Variants in COL4A5 observed in about 807,000 individuals in gnomAD.
COL4A5 encodes collagen type IV alpha 5 chain.
A neutral mutation model predicts 130.2 loss-of-function variants in COL4A5; 26 were observed. The ratio of observed to expected loss-of-function variants is 0.20; its 90% CI spans 0.15 to 0.28. The LOEUF (loss-of-function observed/expected upper bound fraction) is 0.28. Among genes scored for constraint, COL4A5 ranks in the 10% least tolerant of loss-of-function variants. The pLI is 1.00. For synonymous variants in COL4A5, 496 were observed against 439.6 expected (o/e 1.13, Z -1.60); for missense variants, 1,131 against 1,344.3 (o/e 0.84, Z 2.48).
chrX:108,695,581 C>A, intron 52 of COL4A5, 142 bp downstream of exon 52: 2 of 656,206 alleles, frequency 3.0e-6, no homozygotes, highest in Non-Finnish European at 4.7e-6. Flanking sequence ...TTGTTCTTCT[C>A]ATATACATGA....
At chrX:108,682,980 C>T (rs182723502) in intron 47 of COL4A5, among the ~76,000 whole-genome samples, 196 of 111,706 alleles carry the variant, frequency 1.8e-3, no homozygotes, top group Non-Finnish European at 3.2e-3. Flanking sequence ...ATGCCTATGT[C>T]CTGAATGGTA....
intron 1 of COL4A5, among the ~76,000 whole-genome samples, chrX:108,483,203 A>G (rs2064908493): frequency 2.0e-5 from 2 of 99,297 alleles, no homozygotes; most frequent in African/African-American, 3.6e-5. Context: ...CTAATAGGAT[A>G]TGTGTGTGTG....
chrX:108,541,004 G>A (rs1307542260), intron 2 of COL4A5, among the ~76,000 whole-genome samples: 1 of 112,077 alleles, frequency 8.9e-6, no homozygotes, highest in Admixed American at 9.5e-5. Flanking sequence ...TATATATGAA[G>A]CAGTTTAGGA....
intron 8 of COL4A5, among the ~76,000 whole-genome samples, chrX:108,572,692 C>G (rs1486202376): frequency 9.0e-6 from 1 of 111,401 alleles, no homozygotes; most frequent in Non-Finnish European, 1.9e-5. Flanking sequence ...CTCTTTTTTT[C>G]ACCACTACTC....
chrX:108,452,837 C>A (rs969754646), intron 1 of COL4A5, among the ~76,000 whole-genome samples: 1 of 111,076 alleles, frequency 9.0e-6, no homozygotes, highest in African/African-American at 3.3e-5. Flanking sequence ...TGCCTAATTG[C>A]CCTGGCCAGA....
chrX:108,615,901 T>A (rs2066917600), intron 30 of COL4A5, among the ~76,000 whole-genome samples: 1 of 112,634 alleles, frequency 8.9e-6, no homozygotes, highest in South Asian at 3.6e-4. Context: ...AATGGCTATA[T>A]GTTTCCTGAC....
rs148286056 is a variant in COL4A5, at chrX:108,648,645, T to G, written c.3247-6686T>G. Among the ~76,000 whole-genome samples, 114 of 111,872 alleles carry G rather than the reference T, an allele frequency of 1.0e-3. 4 individuals are homozygous for G. In the East Asian group the frequency reaches 0.031, roughly 31 times the overall value. On this transcript the variant is annotated intron_variant, in intron 36 of 52. Coordinates refer to ENST00000328300, the MANE Select transcript of COL4A5 (RefSeq NM_033380.3). ...AGAATTAAAAACAAAAGTCACACGA[T>G]CATTTCTATAGATGCAGAAAAAAAA...
chrX:108,660,253 G>A (rs1359213902), intron 37 of COL4A5, among the ~76,000 whole-genome samples: 3 of 111,040 alleles, frequency 2.7e-5, no homozygotes, highest in African/African-American at 9.8e-5. Context: ...TATTACTATT[G>A]CTTTAAACAG....
chrX:108,495,276 T>A (rs1371678524), intron 1 of COL4A5, among the ~76,000 whole-genome samples: 1 of 110,657 alleles, frequency 9.0e-6, no homozygotes, highest in Admixed American at 9.6e-5. Flanking sequence ...TAGAAAAAAA[T>A]AAAATCATCA....
intron 1 of COL4A5, among the ~76,000 whole-genome samples, chrX:108,503,287 C>T (rs780001086): frequency 1.8e-5 from 2 of 111,718 alleles, no homozygotes; most frequent in South Asian, 7.6e-4. Flanking sequence ...TAGTGATATT[C>T]TTGGCCAATA....
intron 29 of COL4A5, among the ~76,000 whole-genome samples, chrX:108,607,364 AAAAC>A (rs1215700634): frequency 9.2e-6 from 1 of 108,717 alleles, no homozygotes; most frequent in Non-Finnish European, 1.9e-5. Context: ...AAAAAAAAAA[AAAAC>A]AATCATATAT....
At chrX:108,647,648 C>G (rs982185293) in intron 36 of COL4A5, among the ~76,000 whole-genome samples, 4 of 111,571 alleles carry the variant, frequency 3.6e-5, no homozygotes, top group African/African-American at 1.3e-4. Flanking sequence ...GAGGGCATCC[C>G]TGTCTTGTGC....
rs779755065 is a variant in COL4A5, at chrX:108,556,688, G to A, written c.142-2376G>A. Among the ~76,000 whole-genome samples, 6 of 111,196 alleles carry A rather than the reference G, an allele frequency of 5.4e-5. No individual in the cohort carries two copies. In the South Asian group the frequency reaches 1.9e-3, roughly 35 times the overall value. ...TTAAACGAGTGCCTAACAACAGGCA[G>A]CAAAGAGTAGGCAACAACAAACGTC... is the stretch of plus-strand genomic sequence containing the variant. On this transcript the variant is annotated intron_variant, in intron 2 of 52. Transcript: ENST00000328300.
At position 108,696,994 on chromosome X, in the gene COL4A5, C is replaced by A. The variant is rs2068746008; in HGVS notation, c.*616C>A. Reference sequence around the variant, plus strand: ...TATCAAAGTGAGAGGACTTATATTCCTACATCAAGTTACTACTGAGAGTAA... The same window carrying A: ...TATCAAAGTGAGAGGACTTATATTCATACATCAAGTTACTACTGAGAGTAA... On this transcript the variant is annotated 3_prime_UTR_variant, in exon 53 of 53. Coordinates refer to ENST00000328300, the MANE Select transcript of COL4A5 (RefSeq NM_033380.3). The A allele has an allele frequency of 9.0e-6, 1 of 111,442 alleles. No homozygotes were observed. The highest frequency in any genetic ancestry group is 1.9e-5 in the Non-Finnish European group (1 of 53,030). The allele number at this position is 111,442 out of a possible 1,213,427, so 9.2% of individuals were successfully genotyped here.
intron 48 of COL4A5, 61 bp downstream of exon 48, chrX:108,686,190 G>A (rs762688218): frequency 5.4e-5 from 48 of 882,690 alleles, no homozygotes; most frequent in Non-Finnish European, 4.6e-5. Flanking sequence ...GAGACCTCTG[G>A]ACATAGGGCC....
chrX:108,510,417 T>A (rs1245442717), intron 1 of COL4A5, among the ~76,000 whole-genome samples: 1 of 111,588 alleles, frequency 9.0e-6, no homozygotes, highest in Non-Finnish European at 1.9e-5. Flanking sequence ...CAGTGCCATA[T>A]ATATAGACTT....
intron 36 of COL4A5, among the ~76,000 whole-genome samples, chrX:108,636,410 A>G (rs771083796): frequency 3.1e-4 from 35 of 111,127 alleles, no homozygotes; most frequent in African/African-American, 1.1e-3. Context: ...CTTAGCTATG[A>G]CACTAAAAGC....
At chrX:108,612,896 G>A (rs1009691930) in intron 29 of COL4A5, among the ~76,000 whole-genome samples, 8 of 111,668 alleles carry the variant, frequency 7.2e-5, no homozygotes, top group African/African-American at 2.6e-4. Context: ...AAAATAGTGT[G>A]GTATGTGTGA....
intron 2 of COL4A5, among the ~76,000 whole-genome samples, chrX:108,544,274 A>G (rs1045647348): frequency 1.8e-5 from 2 of 111,814 alleles, no homozygotes; most frequent in Non-Finnish European, 1.9e-5. Flanking sequence ...TTATTTTGAG[A>G]TATGTCCCAT....
Sources: gnomAD v4.1 joint callset for allele counts (sites outside exome capture counted in the v4.1 genomes callset) on GRCh38, gnomAD v4.1.1 for gene constraint, MANE v1.5 for transcripts, NCBI Gene and HGNC (gene_info 2026-07-23, HGNC 2026-07-21) for gene names.